The following CFAP206 variants were observed in gnomAD, a reference collection of about 807,000 sequenced individuals.
The protein encoded by CFAP206 is cilia- and flagella-associated protein 206.
In CFAP206, 53 loss-of-function variants were observed where a neutral mutation model predicts 65.4. That is an observed-to-expected ratio of 0.81 (90% CI 0.65 to 1.02). CFAP206 has a LOEUF of 1.02. Ranked by LOEUF, CFAP206 falls within the 50% of genes least tolerant of loss-of-function variation. The pLI, the probability that CFAP206 is intolerant of heterozygous loss-of-function variation, is 0.00. For synonymous variants in CFAP206, 250 were observed against 254.4 expected (o/e 0.98, Z 0.17); for missense variants, 663 against 753.2 (o/e 0.88, Z 1.40).
rs150062349 is a variant in CFAP206, at chr6:87,409,882, C to T, written c.43C>T (p.Arg15Ter). 1.5e-4 allele frequency: 246 copies of T among 1,612,784 alleles called. No individual in the cohort carries two copies. The highest frequency in any genetic ancestry group is 1.8e-4 in the Non-Finnish European group (217 of 1,179,490). Residue 15 changes from arginine to a stop codon, truncating the protein, a stop_gained, in exon 2 of 13, where the codon CGA becomes TGA. Coordinates refer to ENST00000369562, the MANE Select transcript of CFAP206 (RefSeq NM_001031743.3). LOFTEE classifies it high-confidence loss of function. ...CGAAAGTGTTATAAGGAGTATTATACGAGAAATAGGACAAGAATGTGCAGC... is the reference window on the plus strand; with the variant it reads ...CGAAAGTGTTATAAGGAGTATTATATGAGAAATAGGACAAGAATGTGCAGC... The part of the protein sequence containing the change: ...QAESVIRSII[R>*]EIGQECAAHG...
Position 87,418,275 on chromosome 6 carries a change from C to T in CFAP206, c.699C>T (p.Ala233=). 1 of 1,614,130 alleles carries T rather than the reference C, an allele frequency of 6.2e-7. No individual in the cohort carries two copies. The stretch of plus-strand genomic sequence containing the variant: ...ATATTGATTACCAGCTTGAGACTGC[C>T]CGGAGCCAGGTATACCGCTACACAG... ...MQHIDYQLET[A]RSQVYRYTAI... The change falls in exon 7 of 13, where the codon GCC becomes GCT. Residue 233 remains alanine (A), a synonymous_variant. Transcript: ENST00000369562.
In CFAP206 at chr6:87,464,163, G is replaced by C; in HGVS notation, c.1782G>C (p.Gln594His). ...ACAGCACTGGGGTGCCCAGGCCTCA[G>C]ATTTACTTGGCTGGTCTTCGTGGAG... ...REDSTGVPRP[Q>H]IYLAGLRGGK... The change falls in exon 13 of 13, where the codon CAG (glutamine) becomes CAC (histidine). Residue 594 changes from glutamine to histidine, a missense_variant. Physicochemically the swap from Gln to His is conservative, Grantham distance 24. Transcript: ENST00000369562. 1 of 1,614,202 alleles carries C rather than the reference G, an allele frequency of 6.2e-7. No homozygotes were observed. The highest frequency in any genetic ancestry group is 2.2e-5 in the East Asian group (1 of 44,884).
intron 11 of CFAP206, among the ~76,000 whole-genome samples, chr6:87,457,757 G>A (rs1768673664): frequency 6.6e-6 from 1 of 152,172 alleles, no homozygotes; most frequent in Non-Finnish European, 1.5e-5. Flanking sequence ...CAGGATATTG[G>A]ACTGGGCAAA....
chr6:87,418,089 A>T, intron 6 of CFAP206, 119 bp from the exon 7 acceptor site: 2 of 863,618 alleles, frequency 2.3e-6, no homozygotes, highest in Non-Finnish European at 3.6e-6. Flanking sequence ...CATTATTACT[A>T]ATTTGATTGG....
intron 11 of CFAP206, among the ~76,000 whole-genome samples, chr6:87,453,578 G>A (rs1768582396): frequency 6.6e-6 from 1 of 152,028 alleles, no homozygotes; most frequent in Non-Finnish European, 1.5e-5. Flanking sequence ...GTTAAGAAGC[G>A]GCAGTGGCTG....
Position 87,408,505 on chromosome 6 carries a change from T to A in CFAP206, c.-6+416T>A, listed in dbSNP as rs1353033014. ...CACAGATCCGGAGCGCGCACACAGATCCGGAGCGCGCACACAGATCCGGAG... is the reference window on the plus strand; with the variant it reads ...CACAGATCCGGAGCGCGCACACAGAACCGGAGCGCGCACACAGATCCGGAG... On this transcript the variant is annotated intron_variant, in intron 1 of 12. Transcript: ENST00000369562. 4.2e-5 allele frequency: 3 copies of A among 71,604 alleles called. 1 individual carries two copies. 4.4% of individuals were successfully genotyped at this position (71,604 alleles called of 1,614,324 possible).
At chr6:87,413,929 A>T in intron 4 of CFAP206, 29 bp downstream of exon 4, 1 of 1,153,206 alleles carries the variant, frequency 8.7e-7, no homozygotes, top group Non-Finnish European at 1.2e-6. Context: ...TTTTATACTT[A>T]AAAAATTTCA....
Position 87,410,567 on chromosome 6 carries a change from G to C in CFAP206, c.109-18G>C, listed in dbSNP as rs375726499. On this transcript the variant is annotated intron_variant, in intron 2 of 12. Transcript: ENST00000369562. ...GGATTCTTTCCTAGTTAATGGACTC[G>C]TTCCTACTTTTTTCTAGGTGAAAGC... 6.3e-7 allele frequency: 1 copy of C among 1,585,166 alleles called. No individual in the cohort carries two copies. The highest frequency in any genetic ancestry group is 1.1e-5 in the South Asian group (1 of 90,366).
At position 87,416,662 on chromosome 6, in the gene CFAP206, AT is replaced by A. The variant is rs1036526879; in HGVS notation, c.473-3del. On this transcript the variant is annotated splice_polypyrimidine_tract_variant and splice_region_variant and intron_variant, in intron 5 of 12. Transcript: ENST00000369562. The stretch of plus-strand genomic sequence containing the variant: ...TTTTCCTTTTTTTTTTTTCTGGTTT[AT>A]TTTAGCTGCTCTACAGAGTGTTTTT... 1.4e-6 allele frequency: 2 copies of A among 1,425,540 alleles called. No homozygotes were observed. Among genetic ancestry groups the A allele is most frequent in the East Asian group, 5.2e-5 (2 of 38,362 alleles). The allele number at this position is 1,425,540 out of a possible 1,614,324, so 88.3% of individuals were successfully genotyped here.
intron 11 of CFAP206, among the ~76,000 whole-genome samples, chr6:87,449,667 ATTAT>A (rs1768508140): frequency 1.3e-5 from 2 of 151,854 alleles, no homozygotes; most frequent in South Asian, 4.2e-4. Context: ...TTAAAATTGG[ATTAT>A]TTGTTGTTTT....
At chr6:87,420,142 T>C (rs1380952306) in intron 7 of CFAP206, among the ~76,000 whole-genome samples, 2 of 152,182 alleles carry the variant, frequency 1.3e-5, no homozygotes, top group Non-Finnish European at 2.9e-5. Flanking sequence ...ATATTTCCCT[T>C]TACATTACCT....
Position 87,415,704 on chromosome 6 carries a change from A to C in CFAP206, c.302A>C (p.His101Pro). Residue 101 changes from histidine to proline, a missense_variant, in exon 5 of 13, where the codon CAT becomes CCT. By Grantham distance (77) the His-to-Pro change is moderately conservative. Coordinates refer to ENST00000369562, the MANE Select transcript of CFAP206 (RefSeq NM_001031743.3). ...YTNRVEFLEE[H>P]HRVLESRLGS... ...ATTTTAGTGGAATTTCTCGAAGAAC[A>C]TCACCGGGTCCTAGAGTCTAGATTA... 1 of 1,604,500 alleles carries C rather than the reference A, an allele frequency of 6.2e-7. No individual in the cohort carries two copies. Among genetic ancestry groups the C allele is most frequent in the Non-Finnish European group, 8.5e-7 (1 of 1,176,020 alleles).
chr6:87,421,510 A>G (rs554515869), intron 7 of CFAP206, among the ~76,000 whole-genome samples: 96 of 152,288 alleles, frequency 6.3e-4, no homozygotes, highest in African/African-American at 2.3e-3. Flanking sequence ...AATCCAATAT[A>G]TAGCCTGGGT....
Position 87,459,215 on chromosome 6 carries a change from A to C in CFAP206, c.1495-1807A>C, listed in dbSNP as rs370734601. ...AGAAAATTTTAATAATTTTTCTGCA[A>C]ATTAGAAAATGCCATTCATTTTACT... On this transcript the variant is annotated intron_variant, in intron 11 of 12. Transcript: ENST00000369562. 2.0e-5 allele frequency among the ~76,000 whole-genome samples: 3 copies of C among 152,216 alleles called. No individual in the cohort carries two copies. In the East Asian group the frequency reaches 5.8e-4, roughly 29 times the overall value.
At chr6:87,441,817 A>G (rs1768363457) in intron 11 of CFAP206, 1 of 266,532 alleles carries the variant, frequency 3.8e-6, no homozygotes, top group Non-Finnish European at 7.6e-6. Context: ...TTTCAGGCGA[A>G]TAAGAGAAGC....
At chr6:87,432,005 C>T (rs1031532642) in intron 10 of CFAP206, among the ~76,000 whole-genome samples, 6 of 152,022 alleles carry the variant, frequency 3.9e-5, no homozygotes, top group African/African-American at 1.4e-4. Context: ...AAGAATAAAT[C>T]AGAGATAGAG....
At chr6:87,414,587 AC>A (rs374891653) in intron 4 of CFAP206, among the ~76,000 whole-genome samples, 19 of 152,350 alleles carry the variant, frequency 1.2e-4, no homozygotes, top group African/African-American at 4.1e-4. Context: ...AGTGTGAGCC[AC>A]CATGCCTGGC....
intron 11 of CFAP206, among the ~76,000 whole-genome samples, chr6:87,437,851 T>TTTTC (rs1768300472): frequency 6.9e-6 from 1 of 143,922 alleles, no homozygotes; most frequent in African/African-American, 2.6e-5. Flanking sequence ...TTTTTTTTTT[T>TTTTC]AGTTTTAGTT....
chr6:87,428,363 A>T (rs1205276333), intron 8 of CFAP206, among the ~76,000 whole-genome samples: 1 of 151,196 alleles, frequency 6.6e-6, no homozygotes, highest in African/African-American at 2.4e-5. Flanking sequence ...TTCTTAGGTG[A>T]TCACATGTGT....
Sources: gnomAD v4.1 joint callset for allele counts (sites outside exome capture counted in the v4.1 genomes callset) on GRCh38, gnomAD v4.1.1 for gene constraint, MANE v1.5 for transcripts, NCBI Gene and HGNC (gene_info 2026-07-23, HGNC 2026-07-21) for gene names.